Variants in PIP5K1B observed in about 807,000 individuals in gnomAD.
PIP5K1B encodes phosphatidylinositol-4-phosphate 5-kinase type 1 beta, also known as phosphatidylinositol 4-phosphate 5-kinase type-1 beta.
A neutral mutation model predicts 67.0 loss-of-function variants in PIP5K1B; 42 were observed. That is an observed-to-expected ratio of 0.63 (90% CI 0.49 to 0.81). The LOEUF (loss-of-function observed/expected upper bound fraction) is 0.81, where lower values mean the gene tolerates loss of function less well. Ranked by LOEUF, PIP5K1B falls within the 30% of genes least tolerant of loss-of-function variation. The pLI, the probability that PIP5K1B is intolerant of heterozygous loss-of-function variation, is 0.00. For missense variants in PIP5K1B, 459 were observed against 646.3 expected (o/e 0.71, Z 3.14); for synonymous variants, 214 against 231.4 (o/e 0.92, Z 0.68).
At chr9:68,852,401 G>A (rs904999842) in intron 4 of PIP5K1B, among the ~76,000 whole-genome samples, 2 of 151,492 alleles carry the variant, frequency 1.3e-5, no homozygotes, top group African/African-American at 4.9e-5. Context: ...CTAGATCCCA[G>A]AGTAGGAATC....
chr9:68,782,417 T>A (rs980552092), intron 2 of PIP5K1B: 2 of 166,838 alleles, frequency 1.2e-5, no homozygotes, highest in African/African-American at 2.4e-5. Context: ...ATAGCAAAAA[T>A]TTTTTTATAT....
chr9:68,765,674 AG>A (rs1307430703), intron 2 of PIP5K1B, among the ~76,000 whole-genome samples: 2 of 152,178 alleles, frequency 1.3e-5, no homozygotes, highest in Non-Finnish European at 2.9e-5. Flanking sequence ...TTTATTGAGA[AG>A]GGCCAAAAAG....
At chr9:68,946,584 T>TG (rs1827814634) in intron 14 of PIP5K1B, among the ~76,000 whole-genome samples, 1 of 151,616 alleles carries the variant, frequency 6.6e-6, no homozygotes, top group Non-Finnish European at 1.5e-5. Flanking sequence ...AGACGGGGTT[T>TG]GGGGTTTCAA....
intron 2 of PIP5K1B, among the ~76,000 whole-genome samples, chr9:68,791,877 TA>T (rs1831990017): frequency 6.6e-6 from 1 of 152,216 alleles, no homozygotes; most frequent in Admixed American, 6.5e-5. Context: ...TGGATTCCAG[TA>T]CTCTAGCTAA....
At chr9:68,918,948 T>C (rs1476662607) in intron 9 of PIP5K1B, among the ~76,000 whole-genome samples, 1 of 152,182 alleles carries the variant, frequency 6.6e-6, no homozygotes, top group African/African-American at 2.4e-5. Context: ...TAATACCTTT[T>C]CTTGACTAAT....
At chr9:68,997,326 C>G (rs1309146710) in intron 15 of PIP5K1B, among the ~76,000 whole-genome samples, 1 of 152,156 alleles carries the variant, frequency 6.6e-6, no homozygotes, top group East Asian at 1.9e-4. Context: ...AGGTTAATGA[C>G]TTATATTGGG....
intron 2 of PIP5K1B, among the ~76,000 whole-genome samples, chr9:68,812,317 T>C (rs1243891545): frequency 6.6e-6 from 1 of 152,200 alleles, no homozygotes; most frequent in East Asian, 1.9e-4. Context: ...TTCTCTCAAA[T>C]TGAGTGAAAA....
chr9:69,008,649 C>T lies in PIP5K1B; in HGVS notation c.*200C>T, dbSNP rs1472771120. On this transcript the variant is annotated 3_prime_UTR_variant, in exon 16 of 16. Transcript: ENST00000265382. ...GGGATGTGAAAAATACTACCCTATTCTATCATTTGCTGTTGCTTGCTGAAC... is the reference window on the plus strand; with the variant it reads ...GGGATGTGAAAAATACTACCCTATTTTATCATTTGCTGTTGCTTGCTGAAC... 6 of 595,954 alleles carry T rather than the reference C, an allele frequency of 1.0e-5. No individual in the cohort carries two copies. Among genetic ancestry groups the T allele is most frequent in the Non-Finnish European group, 1.6e-5 (5 of 322,140 alleles). 36.9% of individuals were successfully genotyped at this position (595,954 alleles called of 1,614,324 possible).
intron 6 of PIP5K1B, 23 bp from the exon 7 acceptor site, chr9:68,888,958 T>C (rs201686691): frequency 2.3e-4 from 351 of 1,547,406 alleles, no homozygotes; most frequent in Non-Finnish European, 2.8e-4. Context: ...TATGTTTTAA[T>C]GTTTATTCAT....
At chr9:68,814,883 C>T (rs781110461) in intron 2 of PIP5K1B, among the ~76,000 whole-genome samples, 1 of 151,988 alleles carries the variant, frequency 6.6e-6, no homozygotes, top group African/African-American at 2.4e-5. Flanking sequence ...GATACAGGTT[C>T]GTATTTGTAT....
chr9:68,820,345 A>G (rs1391247207), intron 3 of PIP5K1B, among the ~76,000 whole-genome samples: 1 of 152,216 alleles, frequency 6.6e-6, no homozygotes, highest in Non-Finnish European at 1.5e-5. Flanking sequence ...AGCATGGAAA[A>G]CAATAGTTTG....
At chr9:68,987,742 C>A (rs370588287) in intron 14 of PIP5K1B, among the ~76,000 whole-genome samples, 199 of 152,210 alleles carry the variant, frequency 1.3e-3, no homozygotes, top group African/African-American at 4.6e-3. Flanking sequence ...GCTAAAGGCA[C>A]TTCTTACATG....
At chr9:68,720,007 C>T (rs1003341153) in intron 1 of PIP5K1B, among the ~76,000 whole-genome samples, 6 of 152,246 alleles carry the variant, frequency 3.9e-5, no homozygotes, top group Non-Finnish European at 5.9e-5. Flanking sequence ...TTCATTTGTC[C>T]GCCTCCTTAC....
In PIP5K1B at chr9:68,792,465, G is replaced by GT. The variant is rs200493402; in HGVS notation, c.-85-25994dup. 8.9e-3 allele frequency among the ~76,000 whole-genome samples: 989 copies of GT among 110,974 alleles called. 15 individuals are homozygous for GT. The highest frequency in any genetic ancestry group is 0.064 in the East Asian group (250 of 3,900). The allele number at this position is 110,974 out of a possible 152,430, so 72.8% of individuals were successfully genotyped here. A position where few individuals can be genotyped will look rare whatever the true frequency, so the allele number is the denominator to read the frequency against. On this transcript the variant is annotated intron_variant, in intron 2 of 15. Transcript: ENST00000265382. ...ACTGTGGCACATGTGTTTTTTTGTT[G>GT]TTGTTTGTTTGTTTGTTTGTTTGTT...
chr9:68,994,794 A>G (rs1830533048), intron 15 of PIP5K1B, among the ~76,000 whole-genome samples: 1 of 152,152 alleles, frequency 6.6e-6, no homozygotes, highest in South Asian at 2.1e-4. Flanking sequence ...TCTGCCTCTC[A>G]TTAATCGTTT....
intron 2 of PIP5K1B, among the ~76,000 whole-genome samples, chr9:68,749,092 G>T (rs1373745806): frequency 6.6e-6 from 1 of 152,118 alleles, no homozygotes; most frequent in Non-Finnish European, 1.5e-5. Context: ...TCTACTCATG[G>T]TCCCCCAAAG....
chr9:68,917,797 T>G (rs1826175450), intron 9 of PIP5K1B, 38 bp downstream of exon 9: 1 of 1,463,936 alleles, frequency 6.8e-7, no homozygotes. Flanking sequence ...CTCTTGACTG[T>G]GGCAGCCCAC....
At position 68,847,710 on chromosome 9, in the gene PIP5K1B, T is replaced by C. The variant is rs1428322329; in HGVS notation, c.70-16127T>C. 5.3e-5 allele frequency among the ~76,000 whole-genome samples: 8 copies of C among 152,244 alleles called. No individual in the cohort carries two copies. In the South Asian group the frequency reaches 1.7e-3, roughly 32 times the overall value. ...CCTGACATGGCAGAGGGCTGTGATA[T>C]GCCCCTGGAGAACTCTGTAGAGCAG... On this transcript the variant is annotated intron_variant, in intron 4 of 15. Transcript: ENST00000265382.
rs1296942985 is a variant in PIP5K1B at position 68,919,465 on chromosome 9, T to G, written c.984-14T>G. On this transcript the variant is annotated splice_polypyrimidine_tract_variant and intron_variant, in intron 9 of 15. Transcript: ENST00000265382. ...ATATGTAATCAAATATTTTCTCTTT[T>G]GCTCCATCAACAGAATGGGAGGCAT... The G allele has an allele frequency of 2.2e-6, 3 of 1,362,330 alleles. No homozygotes were observed. Among genetic ancestry groups the G allele is most frequent in the Admixed American group, 4.1e-5 (2 of 48,556 alleles). 84.4% of individuals were successfully genotyped at this position (1,362,330 alleles called of 1,614,324 possible). A position where few individuals can be genotyped will look rare whatever the true frequency, so the allele number is the denominator to read the frequency against.
Sources: allele counts gnomAD v4.1 joint callset (sites outside exome capture counted in the v4.1 genomes callset), GRCh38; gene constraint gnomAD v4.1.1; transcripts MANE v1.5; gene names NCBI Gene and HGNC (gene_info 2026-07-23, HGNC 2026-07-21).